ZNF490: variants seen among roughly 807,000 people sequenced by gnomAD.
The protein encoded by ZNF490 is zinc finger protein 490.
In ZNF490, 11 loss-of-function variants were observed where a neutral mutation model predicts 17.7. The ratio of observed to expected loss-of-function variants is 0.62; its 90% CI spans 0.39 to 1.03. ZNF490 has a LOEUF of 1.03. Ranked by LOEUF, ZNF490 falls within the 50% of genes least tolerant of loss-of-function variation. The pLI, the probability that ZNF490 is intolerant of heterozygous loss-of-function variation, is 0.00. For synonymous variants in ZNF490, 222 were observed against 216.1 expected (o/e 1.03, Z -0.24); for missense variants, 542 against 643.4 (o/e 0.84, Z 1.71).
At chr19:12,589,120 G>C (rs1213796365) in intron 2 of ZNF490, among the ~76,000 whole-genome samples, 1 of 152,118 alleles carries the variant, frequency 6.6e-6, no homozygotes, top group Non-Finnish European at 1.5e-5. Context: ...TCAGGACTTC[G>C]AGACCAGCCT....
chr19:12,592,088 A>G (rs981595973), intron 2 of ZNF490, among the ~76,000 whole-genome samples: 1 of 152,228 alleles, frequency 6.6e-6, no homozygotes, highest in Non-Finnish European at 1.5e-5. Flanking sequence ...CTGTAATCCC[A>G]GCACTTTGGG....
At chr19:12,582,824 T>G (rs1325273140) in intron 4 of ZNF490, 26 bp downstream of exon 4, 1 of 1,528,922 alleles carries the variant, frequency 6.5e-7, no homozygotes, top group Non-Finnish European at 9.1e-7. Flanking sequence ...TCAGGGGCTA[T>G]ATAATTATTT....
chr19:12,595,892 A>G (rs983903969), intron 2 of ZNF490, among the ~76,000 whole-genome samples: 2 of 152,052 alleles, frequency 1.3e-5, no homozygotes, highest in African/African-American at 4.8e-5. Flanking sequence ...CAGAGGTTGC[A>G]GTGAGCCAAG....
At chr19:12,595,146 T>G (rs1231594380) in intron 2 of ZNF490, among the ~76,000 whole-genome samples, 2 of 151,656 alleles carry the variant, frequency 1.3e-5, no homozygotes, top group Non-Finnish European at 2.9e-5. Flanking sequence ...CTTTTCTCTC[T>G]CTTTTTTTTT....
chr19:12,597,344 A>T (rs1259193723), intron 2 of ZNF490: 1 of 341,562 alleles, frequency 2.9e-6, no homozygotes, highest in African/African-American at 2.1e-5. Context: ...ACCGATGCTG[A>T]CTGGACAGTT....
chr19:12,605,922 G>T (rs1025946470), intron 2 of ZNF490, among the ~76,000 whole-genome samples: 2 of 150,476 alleles, frequency 1.3e-5, no homozygotes, highest in Non-Finnish European at 3.0e-5. Flanking sequence ...TTTTGCTCTT[G>T]TTGCCCAGGC....
rs2022727035 is a variant in ZNF490, at chr19:12,581,127, A to G, written c.948T>C (p.Ser316=). The G allele has an allele frequency of 1.2e-6, 2 of 1,614,190 alleles. No homozygotes were observed. The highest frequency in any genetic ancestry group is 1.7e-6 in the Non-Finnish European group (2 of 1,180,036). Reference sequence around the variant, plus strand: ...CATGACTCCGTAAGTACGTGGGACAACTGAAGGCTTTCCCACATTGCTTAC... The same window carrying G: ...CATGACTCCGTAAGTACGTGGGACAGCTGAAGGCTTTCCCACATTGCTTAC... ...YECKQCGKAF[S]CPTYLRSHEK... is the part of the protein sequence containing the mutation. The change falls in exon 5 of 5, where the codon AGT becomes AGC. Residue 316 remains serine, a synonymous_variant. Transcript: ENST00000311437.
chr19:12,604,566 G>A (rs1223107743), intron 2 of ZNF490, among the ~76,000 whole-genome samples: 1 of 152,002 alleles, frequency 6.6e-6, no homozygotes, highest in Admixed American at 6.6e-5. Context: ...AGAGACTGAG[G>A]TAGGAGAATC....
At chr19:12,601,138 C>G (rs923241224) in intron 2 of ZNF490, among the ~76,000 whole-genome samples, 11 of 151,884 alleles carry the variant, frequency 7.2e-5, no homozygotes, top group Non-Finnish European at 1.0e-4. Context: ...CCTGTAATCC[C>G]AGCACTTTCG....
chr19:12,600,940 A>AAG (rs2022994357), intron 2 of ZNF490, among the ~76,000 whole-genome samples: 1 of 152,040 alleles, frequency 6.6e-6, no homozygotes, highest in Non-Finnish European at 1.5e-5. Context: ...AAATACAAAA[A>AAG]TTAGCCAGGT....
In ZNF490 at chr19:12,580,930, C is replaced by G; in HGVS notation, c.1145G>C (p.Arg382Thr). 1.9e-6 allele frequency: 3 copies of G among 1,614,170 alleles called. No individual in the cohort carries two copies. Among genetic ancestry groups the G allele is most frequent in the Non-Finnish European group, 2.5e-6 (3 of 1,180,020 alleles). ...ATAGGGTTTTTCTCCAAAATGAGTT[C>G]TTTCGTGCACTTCACAGGAACTAGA... ...KSSSSCEVHE[R>T]THFGEKPYEC... Residue 382 changes from arginine (R) to threonine (T), a missense_variant, in exon 5 of 5, where the codon AGA (arginine) becomes ACA (threonine). Arg to Thr is a moderately conservative substitution (Grantham distance 71, BLOSUM62 -1). Coordinates refer to ENST00000311437, the MANE Select transcript of ZNF490 (RefSeq NM_020714.3).
Position 12,578,186 on chromosome 19 carries a change from C to T in ZNF490, c.*2299G>A, listed in dbSNP as rs2022671515. ...GTGACATGCACTGACGTGAGAAGGC[C>T]GGAGCATCATCAGTGCATATGCCGC... On this transcript the variant is annotated 3_prime_UTR_variant, in exon 5 of 5. Transcript: ENST00000311437. The T allele has an allele frequency of 4.1e-6, 4 of 985,388 alleles. No individual in the cohort carries two copies. The highest frequency in any genetic ancestry group is 1.1e-4 in the East Asian group (1 of 8,806). 61.0% of individuals were successfully genotyped at this position (985,388 alleles called of 1,614,324 possible).
chr19:12,581,382 G>A lies in ZNF490; in HGVS notation c.693C>T (p.Phe231=), dbSNP rs775398166. The A allele has an allele frequency of 4.3e-6, 7 of 1,613,952 alleles. No homozygotes were observed. The highest frequency in any genetic ancestry group is 1.7e-4 in the Middle Eastern group (1 of 6,060). The change falls in exon 5 of 5, where the codon TTC becomes TTT. Residue 231 remains phenylalanine (F), a synonymous_variant. Coordinates refer to ENST00000311437, the MANE Select transcript of ZNF490 (RefSeq NM_020714.3). The part of the protein sequence containing the change: ...PYECKECGKA[F]AFLFSFRNHI... ...GGTTTCGAAAGGAAAAGAGAAATGCGAAGGCTTTGCCACATTCCTTACATT... is the reference window on the plus strand; with the variant it reads ...GGTTTCGAAAGGAAAAGAGAAATGCAAAGGCTTTGCCACATTCCTTACATT...
chr19:12,583,809 A>ATTTTT (rs2022778086), intron 2 of ZNF490, among the ~76,000 whole-genome samples: 6 of 105,134 alleles, frequency 5.7e-5, no homozygotes, highest in African/African-American at 2.4e-4. Flanking sequence ...ATATATATAT[A>ATTTTT]TATTTTTTTT....
intron 4 of ZNF490, among the ~76,000 whole-genome samples, chr19:12,582,278 G>C (rs1428213129): frequency 6.6e-6 from 1 of 150,918 alleles, no homozygotes; most frequent in Non-Finnish European, 1.5e-5. Flanking sequence ...TTCCTGTAGA[G>C]ACAGGTTTTC....
chr19:12,597,231 C>A, intron 2 of ZNF490: 2 of 457,476 alleles, frequency 4.4e-6, no homozygotes, highest in Non-Finnish European at 8.8e-6. Flanking sequence ...AAAGCATACG[C>A]AGAGCCACAG....
Position 12,610,676 on chromosome 19 carries a change from C to G in ZNF490, c.5G>C (p.Arg2Pro). Residue 2 changes from arginine to proline, a missense_variant, in exon 1 of 5, where the codon CGC becomes CCC. Coordinates refer to ENST00000311437, the MANE Select transcript of ZNF490 (RefSeq NM_020714.3). The part of the protein sequence containing the change: M[R>P]RNSSLSFQME... Reference sequence around the variant, plus strand: ...CTGGAAACTGAGACTGGAATTCCTGCGCATCCCTGTCCCCGCATCCAGAAA... The same window carrying G: ...CTGGAAACTGAGACTGGAATTCCTGGGCATCCCTGTCCCCGCATCCAGAAA... The G allele has an allele frequency of 6.2e-7, 1 of 1,613,560 alleles. No individual in the cohort carries two copies. Among genetic ancestry groups the G allele is most frequent in the Middle Eastern group, 1.7e-4 (1 of 6,060 alleles).
At position 12,585,197 on chromosome 19, in the gene ZNF490, G is replaced by A. The variant is rs1158840099; in HGVS notation, c.163-1641C>T. Among the ~76,000 whole-genome samples, 2 of 93,806 alleles carry A rather than the reference G, an allele frequency of 2.1e-5. 1 individual carries two copies. Among genetic ancestry groups the A allele is most frequent in the Non-Finnish European group, 5.7e-5 (2 of 34,902 alleles). 61.5% of individuals were successfully genotyped at this position (93,806 alleles called of 152,430 possible). A position where few individuals can be genotyped will look rare whatever the true frequency, so the allele number is the denominator to read the frequency against. ...GTGACCCAGGCTTTCTTCCTACCAC[G>A]TCCATATGTGGGGTACACAGTGGAA... On this transcript the variant is annotated intron_variant, in intron 2 of 4. Transcript: ENST00000311437.
rs2022818450 is a variant in ZNF490 at position 12,587,636 on chromosome 19, T to A, written c.163-4080A>T. ...AATAAAAAGTAATAATAAATAAATATATCACAAAGATATATTAAAAATAAA... is the reference window on the plus strand; with the variant it reads ...AATAAAAAGTAATAATAAATAAATAAATCACAAAGATATATTAAAAATAAA... On this transcript the variant is annotated intron_variant, in intron 2 of 4. Transcript: ENST00000311437. 2.2e-5 allele frequency among the ~76,000 whole-genome samples: 2 copies of A among 92,142 alleles called. 1 individual carries two copies. Among genetic ancestry groups the A allele is most frequent in the East Asian group, 4.1e-4 (2 of 4,886 alleles). 60.4% of individuals were successfully genotyped at this position (92,142 alleles called of 152,430 possible). A position where few individuals can be genotyped will look rare whatever the true frequency, so the allele number is the denominator to read the frequency against.
Sources: gnomAD v4.1 joint callset for allele counts (sites outside exome capture counted in the v4.1 genomes callset) on GRCh38, gnomAD v4.1.1 for gene constraint, MANE v1.5 for transcripts, NCBI Gene and HGNC (gene_info 2026-07-23, HGNC 2026-07-21) for gene names.